Variants in DAPK2 observed in about 807,000 individuals in gnomAD.
DAPK2 encodes death associated protein kinase 2, also known as death-associated protein kinase 2.
In DAPK2, 35 loss-of-function variants were observed where a neutral mutation model predicts 44.1. The ratio of observed to expected loss-of-function variants is 0.79; its 90% CI spans 0.61 to 1.05. The LOEUF is 1.05. DAPK2 is among the 50% of genes least tolerant of loss of function. The pLI is 0.00. For synonymous variants in DAPK2, 174 were observed against 182.6 expected (o/e 0.95, Z 0.38); for missense variants, 453 against 483.2 (o/e 0.94, Z 0.59).
chr15:63,926,557 C>A (rs904864661), intron 6 of DAPK2, among the ~76,000 whole-genome samples: 1 of 152,112 alleles, frequency 6.6e-6, no homozygotes, highest in Admixed American at 6.5e-5. Context: ...ACAGGAGCAA[C>A]TTGAGCAGAG....
chr15:63,967,794 T>C (rs927828636), intron 3 of DAPK2, among the ~76,000 whole-genome samples: 2 of 152,184 alleles, frequency 1.3e-5, no homozygotes, highest in Admixed American at 1.3e-4. Flanking sequence ...TGGCTGAACA[T>C]AGGAGAAGCT....
At chr15:63,913,621 G>A (rs1326268818) in intron 8 of DAPK2, among the ~76,000 whole-genome samples, 4 of 152,134 alleles carry the variant, frequency 2.6e-5, no homozygotes, top group East Asian at 1.9e-4. Flanking sequence ...AACCATGCTC[G>A]GAGCACACCT....
chr15:63,939,794 C>G lies in DAPK2; in HGVS notation c.454-433G>C, dbSNP rs1315783262. On this transcript the variant is annotated intron_variant, in intron 3 of 10. Coordinates refer to ENST00000261891, the Ensembl canonical transcript of DAPK2. This position sits in a 1 kb window ranked among gnomAD's most constrained non-coding sequence, Gnocchi z 4.3. ...CATCCCAGCTTAGCCTCTGTTTATA[C>G]TTGGCTTACTGACCTTGGTCTTCCT... Among the ~76,000 whole-genome samples, 1 of 152,206 alleles carries G rather than the reference C, an allele frequency of 6.6e-6. No homozygotes were observed. The highest frequency in any genetic ancestry group is 2.4e-5 in the African/African-American group (1 of 41,450).
intron 1 of DAPK2, among the ~76,000 whole-genome samples, chr15:64,011,366 C>G (rs901314276): frequency 1.3e-5 from 2 of 152,132 alleles, no homozygotes; most frequent in Non-Finnish European, 2.9e-5. Context: ...TCCAGACCAG[C>G]CTGGCCAACA....
At chr15:63,965,576 G>T (rs1221797365) in intron 3 of DAPK2, among the ~76,000 whole-genome samples, 1 of 152,214 alleles carries the variant, frequency 6.6e-6, no homozygotes, top group Non-Finnish European at 1.5e-5. Flanking sequence ...GTCCAGAGAT[G>T]CCATCTGGGA....
intron 3 of DAPK2, among the ~76,000 whole-genome samples, chr15:63,948,186 G>A (rs1285215281): frequency 2.9e-5 from 4 of 138,746 alleles, no homozygotes; most frequent in East Asian, 2.5e-4. Context: ...TAGGAGAATC[G>A]CTTGAACCTG....
At chr15:63,938,996 T>A (rs2077235808) in intron 4 of DAPK2, among the ~76,000 whole-genome samples, 1 of 152,138 alleles carries the variant, frequency 6.6e-6, no homozygotes, top group African/African-American at 2.4e-5. Flanking sequence ...GTAGCCCCAC[T>A]GAGAGCCACT....
rs11857667 is a variant in DAPK2 at position 63,908,665 on chromosome 15, T to G, written c.1033-65A>C. 4,387 of 1,412,330 alleles carry G rather than the reference T, an allele frequency of 3.1e-3. 122 individuals carry two copies. The African/African-American group carries it at 0.057, about 18-fold the overall frequency. The allele number at this position is 1,412,330 out of a possible 1,614,324, so 87.5% of individuals were successfully genotyped here. ...TCATGAGACGCCAGGAATGGGGCTGTGCTGGGCAACCTGGGTTGATTCACC... is the reference window on the plus strand; with the variant it reads ...TCATGAGACGCCAGGAATGGGGCTGGGCTGGGCAACCTGGGTTGATTCACC... On this transcript the variant is annotated intron_variant, in intron 10 of 10. Transcript: ENST00000261891. The surrounding 1 kb of genome is among the most constrained non-coding windows in gnomAD (Gnocchi z 5.7).
In DAPK2 at chr15:64,013,190, T is replaced by C. The variant is rs1354076810; in HGVS notation, c.92+26980A>G. 1.3e-5 allele frequency among the ~76,000 whole-genome samples: 2 copies of C among 152,226 alleles called. No individual in the cohort carries two copies. Among genetic ancestry groups the C allele is most frequent in the African/African-American group, 4.8e-5 (2 of 41,452 alleles). On this transcript the variant is annotated intron_variant, in intron 1 of 10. Coordinates refer to ENST00000261891, the Ensembl canonical transcript of DAPK2. The surrounding 1 kb of genome is among the most constrained non-coding windows in gnomAD (Gnocchi z 4.7). ...GTGCATGTGCACAAAGCAGTCACAA[T>C]AACATTTTGGTTGTTCTGTAAAATG...
chr15:63,915,028 T>C (rs1426740313), intron 8 of DAPK2, among the ~76,000 whole-genome samples: 3 of 152,194 alleles, frequency 2.0e-5, no homozygotes, highest in Non-Finnish European at 2.9e-5. Context: ...AAGTCCCTTA[T>C]TATAAAATGG....
chr15:63,989,481 C>T (rs759824496), intron 1 of DAPK2, among the ~76,000 whole-genome samples: 22 of 152,096 alleles, frequency 1.4e-4, no homozygotes, highest in Non-Finnish European at 2.4e-4. Context: ...TCACTGACTC[C>T]GGCTACAATG....
chr15:64,000,240 G>A (rs1195101686), intron 1 of DAPK2, among the ~76,000 whole-genome samples: 1 of 151,126 alleles, frequency 6.6e-6, no homozygotes, highest in Admixed American at 6.6e-5. Context: ...CTGCTCCACA[G>A]GACTTTGTGT....
At chr15:63,940,620 G>T (rs2077280833) in intron 3 of DAPK2, among the ~76,000 whole-genome samples, 1 of 152,114 alleles carries the variant, frequency 6.6e-6, no homozygotes, top group Admixed American at 6.5e-5. Context: ...GCTGAGGCAG[G>T]AGAATCACTT....
At chr15:63,987,977 A>G (rs2078710742) in intron 1 of DAPK2, among the ~76,000 whole-genome samples, 1 of 151,904 alleles carries the variant, frequency 6.6e-6, no homozygotes, top group Non-Finnish European at 1.5e-5. Flanking sequence ...GCCTTGCAGA[A>G]GAGCATGAGG....
chr15:64,041,196 A>C (rs982463624), upstream of DAPK2, among the ~76,000 whole-genome samples: 3 of 152,242 alleles, frequency 2.0e-5, no homozygotes, highest in African/African-American at 4.8e-5. Flanking sequence ...AAAGATGGAC[A>C]GGAGGAGTGA....
intron 1 of DAPK2, among the ~76,000 whole-genome samples, chr15:64,045,676 T>C (rs1185796484): frequency 6.6e-6 from 1 of 152,214 alleles, no homozygotes; most frequent in Non-Finnish European, 1.5e-5. Context: ...TAGCCAGACC[T>C]ATGCAAGCCT....
chr15:63,934,623 T>A (rs2077085497), intron 4 of DAPK2, among the ~76,000 whole-genome samples: 1 of 152,152 alleles, frequency 6.6e-6, no homozygotes, highest in Non-Finnish European at 1.5e-5. Context: ...AGTGGTGTTA[T>A]CTCAGCTCTG....
chr15:63,970,453 G>A (rs745667496), intron 3 of DAPK2, among the ~76,000 whole-genome samples: 1 of 152,140 alleles, frequency 6.6e-6, no homozygotes, highest in East Asian at 1.9e-4. Flanking sequence ...CTGATATCCC[G>A]GTTGGACTTA....
intron 2 of DAPK2, among the ~76,000 whole-genome samples, chr15:63,973,291 G>T (rs1455725259): frequency 2.0e-5 from 3 of 152,252 alleles, no homozygotes. Flanking sequence ...CCCCTGGGCA[G>T]AGAACTGCCT....
Sources: gnomAD v4.1 joint callset for allele counts (sites outside exome capture counted in the v4.1 genomes callset) on GRCh38, gnomAD v4.1.1 for gene constraint, Gnocchi (gnomAD v3.1) non-coding constraint, MANE v1.5 for transcripts, NCBI Gene and HGNC (gene_info 2026-07-23, HGNC 2026-07-21) for gene names.